NFKBIZ: variants seen among roughly 807,000 people sequenced by gnomAD.
The protein encoded by NFKBIZ is NFKB inhibitor zeta.
A neutral mutation model predicts 76.8 loss-of-function variants in NFKBIZ; 19 were observed. The ratio of observed to expected loss-of-function variants is 0.25; its 90% CI spans 0.17 to 0.36. NFKBIZ has a LOEUF of 0.36. Ranked by LOEUF, NFKBIZ falls within the 10% of genes least tolerant of loss-of-function variation. The pLI is 1.00. For missense variants in NFKBIZ, 829 were observed against 910.9 expected (o/e 0.91, Z 1.16); for synonymous variants, 368 against 354.8 (o/e 1.04, Z -0.42).
intron 2 of NFKBIZ, among the ~76,000 whole-genome samples, chr3:101,837,803 A>G (rs1306788118): frequency 6.6e-6 from 1 of 152,190 alleles, no homozygotes; most frequent in East Asian, 1.9e-4. Flanking sequence ...GACACTCTGC[A>G]GGGCAACAGG....
chr3:101,849,541 A>G lies in NFKBIZ; in HGVS notation c.-88A>G, dbSNP rs1190324361. On this transcript the variant is annotated 5_prime_UTR_variant, in exon 1 of 12. Coordinates refer to ENST00000326172, the MANE Select transcript of NFKBIZ (RefSeq NM_031419.4). ...ACTGGCCCGCGCCGTCCGCCCGCCG[A>G]CAGCTCCCTGAGCCAGCCCGGGAGG... 2 of 1,165,206 alleles carry G rather than the reference A, an allele frequency of 1.7e-6. No individual in the cohort carries two copies. The highest frequency in any genetic ancestry group is 4.3e-5 in the Admixed American group (1 of 23,164). The allele number at this position is 1,165,206 out of a possible 1,614,324, so 72.2% of individuals were successfully genotyped here.
chr3:101,834,614 G>C (rs1942691414), intron 2 of NFKBIZ, among the ~76,000 whole-genome samples: 1 of 152,208 alleles, frequency 6.6e-6, no homozygotes, highest in African/African-American at 2.4e-5. Context: ...ACCCGCCTCA[G>C]CCTCCCAAAG....
intron 1 of NFKBIZ, among the ~76,000 whole-genome samples, chr3:101,828,528 C>T (rs1054064092): frequency 6.6e-6 from 1 of 152,096 alleles, no homozygotes; most frequent in Non-Finnish European, 1.5e-5. Flanking sequence ...TATGATATCC[C>T]GAGGCAGAAG....
Position 101,853,446 on chromosome 3 carries a change from C to G in NFKBIZ, c.920C>G (p.Thr307Ser), listed in dbSNP as rs3821727. Residue 307 changes from threonine (T) to serine (S), a missense_variant, in exon 5 of 12, where the codon ACT (threonine) becomes AGT (serine). Transcript: ENST00000326172. ...EQQPHYTHKP[T>S]LEYSPFPIPP... ...CAGCCACACTACACCCACAAACCAA[C>G]TCTGGAATACAGTCCTTTTCCCATA... 2.7e-4 allele frequency: 433 copies of G among 1,614,236 alleles called. 1 individual carries two copies. In the East Asian group the frequency reaches 8.6e-3, roughly 32 times the overall value.
At position 101,854,631 on chromosome 3, in the gene NFKBIZ, C is replaced by G; in HGVS notation, c.1391C>G (p.Ala464Gly). The change falls in exon 6 of 12, where the codon GCA becomes GGA. Residue 464 changes from alanine (A) to glycine (G), a missense_variant. Physicochemically the swap from Ala to Gly is moderately conservative, Grantham distance 60. This residue lies in a region of NFKBIZ where 272 missense variants were observed against 384.2 expected (regional missense o/e 0.71). Coordinates refer to ENST00000326172, the MANE Select transcript of NFKBIZ (RefSeq NM_031419.4). ...QGRRALSYVL[A>G]RKMNALHMLD... is the part of the protein sequence containing the mutation. ...AGAAGGGCACTTTCCTATGTTCTTG[C>G]AAGAAAGATGAATGCACTTCACATG... 5 of 1,613,550 alleles carry G rather than the reference C, an allele frequency of 3.1e-6. No individual in the cohort carries two copies. The highest frequency in any genetic ancestry group is 4.2e-6 in the Non-Finnish European group (5 of 1,179,872).
rs1205992164 is a variant in NFKBIZ, at chr3:101,855,845, G to A, written c.1767G>A (p.Lys589=). 1.2e-6 allele frequency: 2 copies of A among 1,613,986 alleles called. No individual in the cohort carries two copies. The highest frequency in any genetic ancestry group is 1.7e-5 in the Admixed American group (1 of 59,948). ...TTCAGGAGCTTTTACTGAAGAATAA[G>A]AGTCTGGTTGATACCATTAAGTGCC... The part of the protein sequence containing the change: ...PEVQELLLKN[K]SLVDTIKCLI... The change falls in exon 9 of 12, where the codon AAG becomes AAA. Residue 589 remains lysine, a synonymous_variant. Transcript: ENST00000326172.
chr3:101,857,757 C>T, intron 11 of NFKBIZ: 2 of 985,360 alleles, frequency 2.0e-6, no homozygotes, highest in Non-Finnish European at 2.4e-6. Flanking sequence ...AGAGAAGATA[C>T]CAAGGTTCCT....
Position 101,860,675 on chromosome 3 carries a change from AT to A in NFKBIZ, c.*1310del. On this transcript the variant is annotated 3_prime_UTR_variant, in exon 12 of 12. Coordinates refer to ENST00000326172, the MANE Select transcript of NFKBIZ (RefSeq NM_031419.4). ...ATATATATCATTCAGAAAAAGTTTT[AT>A]TTTTTAATAACATTCTATTAACATT... 1 of 151,670 alleles carries A rather than the reference AT, an allele frequency of 6.6e-6. No individual in the cohort carries two copies. The highest frequency in any genetic ancestry group is 1.9e-4 in the East Asian group (1 of 5,174). 9.4% of individuals were successfully genotyped at this position (151,670 alleles called of 1,614,324 possible).
intron 11 of NFKBIZ, among the ~76,000 whole-genome samples, chr3:101,859,056 A>C (rs1023917763): frequency 6.6e-6 from 1 of 152,228 alleles, no homozygotes; most frequent in African/African-American, 2.4e-5. Context: ...GAGATTTTCA[A>C]CTTCAGATAA....
At position 101,855,106 on chromosome 3, in the gene NFKBIZ, G is replaced by T; in HGVS notation, c.1488G>T (p.Val496=). Residue 496 remains valine (V), a synonymous_variant, in exon 7 of 12, where the codon GTG becomes GTT. Transcript: ENST00000326172. ...VAVAANQHLI[V]QDLVNIGAQV... is the part of the protein sequence containing the mutation. Reference sequence around the variant, plus strand: ...TGGCTGCCAATCAGCATCTCATTGTGCAGGATCTGGTGAACATCGGGGCAC... The same window carrying T: ...TGGCTGCCAATCAGCATCTCATTGTTCAGGATCTGGTGAACATCGGGGCAC... The T allele has an allele frequency of 6.2e-7, 1 of 1,613,778 alleles. No homozygotes were observed. The highest frequency in any genetic ancestry group is 2.2e-5 in the East Asian group (1 of 44,876).
Position 101,855,465 on chromosome 3 carries a change from A to T in NFKBIZ, c.1654+7A>T, listed in dbSNP as rs1943034993. The T allele has an allele frequency of 6.2e-7, 1 of 1,613,218 alleles. No individual in the cohort carries two copies. Among genetic ancestry groups the T allele is most frequent in the South Asian group, 1.1e-5 (1 of 91,078 alleles). On this transcript the variant is annotated splice_region_variant and intron_variant, in intron 8 of 11. Coordinates refer to ENST00000326172, the MANE Select transcript of NFKBIZ (RefSeq NM_031419.4). The stretch of plus-strand genomic sequence containing the variant: ...GAGGCAACTAACTATGATGGTAAGC[A>T]ACTGAAACTTTATTAGATTCAGAGC...
upstream of NFKBIZ, among the ~76,000 whole-genome samples, chr3:101,846,340 C>T (rs1942850637): frequency 1.3e-5 from 2 of 152,208 alleles, no homozygotes; most frequent in South Asian, 4.1e-4. Flanking sequence ...ATAGATCAAA[C>T]TGAATTTGTA....
rs757184837 is a variant in NFKBIZ at position 101,855,718 on chromosome 3, A to G, written c.1655-15A>G. The G allele has an allele frequency of 1.0e-5, 16 of 1,575,046 alleles. No individual in the cohort carries two copies. In the Admixed American group the frequency reaches 2.9e-4, roughly 29 times the overall value. On this transcript the variant is annotated splice_polypyrimidine_tract_variant and intron_variant, in intron 8 of 11. Transcript: ENST00000326172. ...TGGGATGCTTGACCACTGCTTGATT[A>G]TACTTTTCTTCTAGGCCTGACTCCC...
At chr3:101,858,916 TC>T (rs1213888427) in intron 11 of NFKBIZ, among the ~76,000 whole-genome samples, 3 of 152,172 alleles carry the variant, frequency 2.0e-5, no homozygotes, top group Non-Finnish European at 2.9e-5. Context: ...GGTTTTCTGT[TC>T]CTGTTAGTTG....
rs146210819 is a variant in NFKBIZ at position 101,853,377 on chromosome 3, C to T, written c.851C>T (p.Ala284Val). 9.0e-5 allele frequency: 145 copies of T among 1,614,170 alleles called. 1 individual carries two copies. The South Asian group carries it at 1.1e-3, about 13-fold the overall frequency. ...VRGSQQMIDQ[A>V]SLYQYSPQNQ... is the part of the protein sequence containing the mutation. ...GGCTCCCAACAAATGATAGACCAGG[C>T]TTCCCTGTACCAGTATTCTCCACAG... The change falls in exon 5 of 12, where the codon GCT (alanine) becomes GTT (valine). Residue 284 changes from alanine to valine, a missense_variant. Physicochemically the swap from Ala to Val is moderately conservative, Grantham distance 64 (BLOSUM62 0). This residue lies in a region of NFKBIZ where 371 missense variants were observed against 332.3 expected (regional missense o/e 1.12). Coordinates refer to ENST00000326172, the MANE Select transcript of NFKBIZ (RefSeq NM_031419.4).
At chr3:101,851,181 G>A (rs2107413718) in intron 1 of NFKBIZ, among the ~76,000 whole-genome samples, 1 of 152,250 alleles carries the variant, frequency 6.6e-6, no homozygotes, top group East Asian at 1.9e-4. Context: ...TCTTATTTTT[G>A]TACACTTGAT....
At chr3:101,835,360 A>C (rs981122821) in intron 2 of NFKBIZ, among the ~76,000 whole-genome samples, 1 of 152,252 alleles carries the variant, frequency 6.6e-6, no homozygotes, top group Non-Finnish European at 1.5e-5. Flanking sequence ...GAAGATATTC[A>C]TAAGGACTGC....
intron 9 of NFKBIZ, 42 bp downstream of exon 9, chr3:101,855,944 C>T (rs1384951799): frequency 1.3e-6 from 2 of 1,525,794 alleles, no homozygotes; most frequent in African/African-American, 1.4e-5. Flanking sequence ...AGGGGAGAAA[C>T]TGGTTATATA....
At chr3:101,855,625 G>C (rs1050000069) in intron 8 of NFKBIZ, 108 bp from the exon 9 acceptor site, 10 of 1,300,004 alleles carry the variant, frequency 7.7e-6, no homozygotes, top group East Asian at 2.3e-5. Context: ...TTCTTGTGGA[G>C]CCCATTTATA....
Sources: gnomAD v4.1 joint callset for allele counts (sites outside exome capture counted in the v4.1 genomes callset) on GRCh38, gnomAD v4.1.1 for gene constraint, gnomAD v4.1.1 regional missense constraint, MANE v1.5 for transcripts, NCBI Gene and HGNC (gene_info 2026-07-23, HGNC 2026-07-21) for gene names.